TRIOBP: variants seen among roughly 807,000 people sequenced by gnomAD.
TRIOBP encodes TRIO and F-actin-binding protein.
Under a neutral mutation model 238.8 loss-of-function variants are expected in TRIOBP, and 169 were observed. The observed-to-expected ratio is 0.71, with a 90% CI of 0.62 to 0.80. TRIOBP has a LOEUF of 0.80. Among genes scored for constraint, TRIOBP ranks in the 30% least tolerant of loss-of-function variants. The pLI is 0.00. For missense variants in TRIOBP, 2,838 were observed against 3,122.6 expected, an observed-to-expected ratio of 0.91 and a Z score of 2.17; for synonymous variants, 1,150 against 1,274.4, an observed-to-expected ratio of 0.90 and a Z score of 2.08.
intron 3 of TRIOBP, 117 bp downstream of exon 3, chr22:37,701,596 A>G (rs1159284006): frequency 1.4e-6 from 1 of 738,262 alleles, no homozygotes; most frequent in Non-Finnish European, 2.4e-6. Flanking sequence ...CCTCCTGTCG[A>G]GAGCCTCGGT....
intron 17 of TRIOBP, among the ~76,000 whole-genome samples, chr22:37,762,210 T>C (rs1359124973): frequency 6.6e-6 from 1 of 152,144 alleles, no homozygotes; most frequent in East Asian, 1.9e-4. Context: ...AACCACAGGC[T>C]ACACCACCAT....
At chr22:37,733,467 T>C (rs1247686385) in intron 8 of TRIOBP, 55 bp downstream of exon 8, 13 of 1,365,292 alleles carry the variant, frequency 9.5e-6, no homozygotes, top group Non-Finnish European at 1.3e-5. Flanking sequence ...CCACTGCCTC[T>C]TCCCTCCCGC....
At chr22:37,713,450 C>T (rs1923362113) in intron 5 of TRIOBP, 39 bp downstream of exon 5, 2 of 1,603,326 alleles carry the variant, frequency 1.2e-6, no homozygotes, top group South Asian at 1.1e-5. Flanking sequence ...AAGAGTGGCT[C>T]ACACCTCCAT....
At chr22:37,730,763 A>G (rs1293414941) in intron 7 of TRIOBP, among the ~76,000 whole-genome samples, 1 of 152,106 alleles carries the variant, frequency 6.6e-6, no homozygotes, top group Non-Finnish European at 1.5e-5. Flanking sequence ...CCTGGCCAAC[A>G]TGGTGAAACC....
intron 17 of TRIOBP, among the ~76,000 whole-genome samples, chr22:37,763,522 G>T (rs1295562765): frequency 1.3e-5 from 2 of 152,126 alleles, no homozygotes; most frequent in Non-Finnish European, 2.9e-5. Flanking sequence ...TTTGCGTGGG[G>T]GAGACAGTCC....
At chr22:37,758,943 G>A (rs1270580982) in intron 16 of TRIOBP, among the ~76,000 whole-genome samples, 1 of 152,114 alleles carries the variant, frequency 6.6e-6, no homozygotes, top group African/African-American at 2.4e-5. Flanking sequence ...CCAGGTCATT[G>A]ACCTGGCCAT....
chr22:37,768,542 C>T (rs550871242), intron 19 of TRIOBP, among the ~76,000 whole-genome samples: 2 of 152,272 alleles, frequency 1.3e-5, no homozygotes, highest in East Asian at 1.9e-4. Flanking sequence ...CCCCTCCAGC[C>T]GGGCACATTG....
At chr22:37,742,088 G>A (rs1924962420) in intron 11 of TRIOBP, among the ~76,000 whole-genome samples, 1 of 149,794 alleles carries the variant, frequency 6.7e-6, no homozygotes, top group African/African-American at 2.5e-5. Flanking sequence ...CTCCAGAGTA[G>A]CTGGAATTAT....
rs1263217562 is a variant in TRIOBP at position 37,724,393 on chromosome 22, A to C, written c.1837A>C (p.Thr613Pro). 1.4e-6 allele frequency: 2 copies of C among 1,449,850 alleles called. No individual in the cohort carries two copies. The highest frequency in any genetic ancestry group is 1.8e-5 in the African/African-American group (1 of 56,278). The allele number at this position is 1,449,850 out of a possible 1,614,324, so 89.8% of individuals were successfully genotyped here. A position where few individuals can be genotyped will look rare whatever the true frequency, so the allele number is the denominator to read the frequency against. The change falls in exon 7 of 24, where the codon ACC (threonine) becomes CCC (proline). Residue 613 changes from threonine (T) to proline (P), a missense_variant. Physicochemically the swap from Thr to Pro is conservative, Grantham distance 38. Transcript: ENST00000644935. Reference sequence around the variant, plus strand: ...GCGGGACAATCCCAGAGCCTCCAGAACCTCCTCTCCCAATAGAGCCACACG... The same window carrying C: ...GCGGGACAATCCCAGAGCCTCCAGACCCTCCTCTCCCAATAGAGCCACACG... ...AQRDNPRASR[T>P]SSPNRATRDN...
chr22:37,756,794 G>A (rs758085809), intron 15 of TRIOBP, among the ~76,000 whole-genome samples: 1 of 142,068 alleles, frequency 7.0e-6, no homozygotes, highest in Non-Finnish European at 1.5e-5. Context: ...AGCTATGACT[G>A]TGGATAAAGA....
intron 3 of TRIOBP, among the ~76,000 whole-genome samples, chr22:37,703,506 T>TC (rs1281168032): frequency 1.4e-5 from 2 of 147,822 alleles, no homozygotes; most frequent in East Asian, 3.9e-4. Context: ...AGGTCCTCTT[T>TC]TTTTTTTTTT....
In TRIOBP at chr22:37,726,237, C is replaced by T. The variant is rs558667789; in HGVS notation, c.3681C>T (p.Ser1227=). ...CIGHRDAPRA[S]SPPRHPPSDL... is the part of the protein sequence containing the mutation. ...GGCACCGGGATGCACCCCGAGCCTC[C>T]TCCCCACCCCGCCACCCACCCAGTG... The change falls in exon 7 of 24, where the codon TCC becomes TCT. Residue 1227 remains serine, a synonymous_variant. Transcript: ENST00000644935. The T allele has an allele frequency of 1.9e-6, 3 of 1,610,138 alleles. No homozygotes were observed. The highest frequency in any genetic ancestry group is 4.5e-5 in the East Asian group (2 of 44,842).
chr22:37,719,394 G>A (rs971699494), intron 6 of TRIOBP, among the ~76,000 whole-genome samples: 8 of 151,882 alleles, frequency 5.3e-5, no homozygotes, highest in Non-Finnish European at 1.0e-4. Context: ...GCTGGGGAGC[G>A]GATGGGCCCA....
Position 37,734,466 on chromosome 22 carries a change from G to A in TRIOBP, c.4130G>A (p.Trp1377Ter), listed in dbSNP as rs747619979. ...RRSQAEPPHP[W>*]SPEKRPEGDR... ...AGCCAAGCAGAGCCCCCTCATCCTT[G>A]GAGTCCTGAGAAGAGACCTGAGGGA... Residue 1377 changes from tryptophan to a stop codon, truncating the protein, a stop_gained, in exon 9 of 24, where the codon TGG (tryptophan) becomes TAG (stop). Coordinates refer to ENST00000644935, the MANE Select transcript of TRIOBP (RefSeq NM_001039141.3). LOFTEE classifies it high-confidence loss of function. 13 of 1,612,754 alleles carry A rather than the reference G, an allele frequency of 8.1e-6. No homozygotes were observed. The highest frequency in any genetic ancestry group is 2.7e-5 in the African/African-American group (2 of 75,004).
intron 3 of TRIOBP, among the ~76,000 whole-genome samples, chr22:37,701,893 C>T (rs932223623): frequency 6.6e-6 from 1 of 152,022 alleles, no homozygotes; most frequent in Non-Finnish European, 1.5e-5. Context: ...TTTGGGAGGC[C>T]GAGGTGGGTG....
At position 37,758,077 on chromosome 22, in the gene TRIOBP, A is replaced by G. The variant is rs1221832842; in HGVS notation, c.6152A>G (p.Asn2051Ser). 1 of 1,611,562 alleles carries G rather than the reference A, an allele frequency of 6.2e-7. No individual in the cohort carries two copies. ...CGGGTGCCCCTCACTGCCCTGCTCA[A>G]CCAAAGCCGCGGAGAGCGCCGAGGG... ...NKRVPLTALL[N>S]QSRGERRGPP... Residue 2051 changes from asparagine to serine, a missense_variant, in exon 16 of 24, where the codon AAC (asparagine) becomes AGC (serine). Around this residue, in one of 5 missense-constraint regions of TRIOBP, gnomAD observed 2,096 missense variants for 2,137.4 expected, o/e 0.98. Coordinates refer to ENST00000644935, the MANE Select transcript of TRIOBP (RefSeq NM_001039141.3).
intron 11 of TRIOBP, among the ~76,000 whole-genome samples, chr22:37,743,262 C>T (rs567496958): frequency 6.6e-6 from 1 of 152,326 alleles, no homozygotes; most frequent in African/African-American, 2.4e-5. Flanking sequence ...TGAAATTAGC[C>T]CAAGGCCAAG....
At chr22:37,718,267 C>T (rs1923640927) in intron 6 of TRIOBP, among the ~76,000 whole-genome samples, 1 of 152,206 alleles carries the variant, frequency 6.6e-6, no homozygotes, top group Non-Finnish European at 1.5e-5. Flanking sequence ...CCGGCCTCGG[C>T]CAGCCCAGGA....
rs1926954172 is a variant in TRIOBP, at chr22:37,774,729, G to A, written c.*949G>A. On this transcript the variant is annotated 3_prime_UTR_variant, in exon 24 of 24. Transcript: ENST00000644935. The stretch of plus-strand genomic sequence containing the variant: ...AGCGGAAGCATGTGGGAAATAGCAA[G>A]TCCAGTCCCACCCCAACCTACTGAA... The A allele has an allele frequency of 6.6e-6, 1 of 152,404 alleles. No individual in the cohort carries two copies. Among genetic ancestry groups the A allele is most frequent in the African/African-American group, 2.4e-5 (1 of 41,440 alleles). The allele number at this position is 152,404 out of a possible 1,614,324, so 9.4% of individuals were successfully genotyped here.
Sources: gnomAD v4.1 joint callset for allele counts (sites outside exome capture counted in the v4.1 genomes callset) on GRCh38, gnomAD v4.1.1 for gene constraint, gnomAD v4.1.1 regional missense constraint, MANE v1.5 for transcripts, NCBI Gene and HGNC (gene_info 2026-07-23, HGNC 2026-07-21) for gene names.